Variants in PRKAG2 observed in about 807,000 individuals in gnomAD.
PRKAG2 encodes the protein 5'-AMP-activated protein kinase subunit gamma-2.
A neutral mutation model predicts 69.6 loss-of-function variants in PRKAG2; 26 were observed. The observed-to-expected ratio is 0.37, with a 90% CI of 0.27 to 0.52. The LOEUF is 0.52. Among genes scored for constraint, PRKAG2 ranks in the 20% least tolerant of loss-of-function variants. The pLI is 0.90. For missense variants in PRKAG2, 557 were observed against 740.0 expected, an observed-to-expected ratio of 0.75 and a Z score of 2.87; for synonymous variants, 293 against 285.0, an observed-to-expected ratio of 1.03 and a Z score of -0.28.
intron 5 of PRKAG2, among the ~76,000 whole-genome samples, chr7:151,624,078 C>T (rs1184988333): frequency 1.3e-5 from 2 of 151,972 alleles, no homozygotes; most frequent in East Asian, 3.9e-4. Flanking sequence ...TCAGAAACCT[C>T]ATTGATGTTA....
chr7:151,631,430 T>C (rs1320443094), intron 5 of PRKAG2, among the ~76,000 whole-genome samples: 1 of 152,236 alleles, frequency 6.6e-6, no homozygotes, highest in Non-Finnish European at 1.5e-5. Context: ...CTCATGCCTT[T>C]CAAATGTTAA....
At chr7:151,732,857 C>G (rs1799187879) in intron 3 of PRKAG2, among the ~76,000 whole-genome samples, 1 of 152,116 alleles carries the variant, frequency 6.6e-6, no homozygotes, top group South Asian at 2.1e-4. Flanking sequence ...CACCCCCGGC[C>G]AATTTTTGCA....
At chr7:151,686,742 C>T (rs547801235) in intron 3 of PRKAG2, among the ~76,000 whole-genome samples, 1 of 152,318 alleles carries the variant, frequency 6.6e-6, no homozygotes, top group Non-Finnish European at 1.5e-5. Flanking sequence ...ATGGCCCTGG[C>T]CCTAGCTGAG....
At chr7:151,674,509 C>G (rs1585672150) in intron 4 of PRKAG2, among the ~76,000 whole-genome samples, 1 of 152,172 alleles carries the variant, frequency 6.6e-6, no homozygotes, top group East Asian at 1.9e-4. Context: ...TACTGGGTAC[C>G]TGCGGTAATT....
intron 4 of PRKAG2, among the ~76,000 whole-genome samples, chr7:151,653,703 A>G (rs1828919536): frequency 6.6e-6 from 1 of 152,142 alleles, no homozygotes. Context: ...TTAGCCAAGC[A>G]TGGTGACGGA....
rs140899154 is a variant in PRKAG2 at position 151,847,456 on chromosome 7, G to A, written c.114+29051C>T. On this transcript the variant is annotated intron_variant, in intron 1 of 15. Transcript: ENST00000287878. ...CCACATCCTCACGGACGCTGGCCTTGAGCTCTTGTCCCCGAGCCTCTCTCT... is the reference window on the plus strand; with the variant it reads ...CCACATCCTCACGGACGCTGGCCTTAAGCTCTTGTCCCCGAGCCTCTCTCT... 2.0e-3 allele frequency among the ~76,000 whole-genome samples: 304 copies of A among 152,170 alleles called. 1 individual carries two copies. Among genetic ancestry groups the A allele is most frequent in the African/African-American group, 7.0e-3 (292 of 41,516 alleles).
intron 4 of PRKAG2, among the ~76,000 whole-genome samples, chr7:151,635,166 G>C (rs7807886): frequency 0.13 from 19,212 of 152,044 alleles, 1,405 homozygotes; most frequent in African/African-American, 0.17. Flanking sequence ...GGTCAGGCTG[G>C]TCTTGAACTC....
rs80194395 is a variant in PRKAG2, at chr7:151,670,322, C to T, written c.684+5098G>A. 5.1e-3 allele frequency among the ~76,000 whole-genome samples: 780 copies of T among 152,300 alleles called. 7 individuals are homozygous for T. The highest frequency in any genetic ancestry group is 0.018 in the African/African-American group (749 of 41,558). ...TCCTTCCCCTTCAATTAATCAACCA[C>T]TACCTTCCAAATTCCTTTCAATTTT... On this transcript the variant is annotated intron_variant, in intron 4 of 15. Coordinates refer to ENST00000287878, the MANE Select transcript of PRKAG2 (RefSeq NM_016203.4).
At position 151,732,677 on chromosome 7, in the gene PRKAG2, T is replaced by TCACAGAAAAGGCA. The variant is rs1365210498; in HGVS notation, c.466+48462_466+48474dup. On this transcript the variant is annotated intron_variant, in intron 3 of 15. Transcript: ENST00000287878. The stretch of plus-strand genomic sequence containing the variant: ...TCGCCCCTGTTCACAAGCAGCCAGA[T>TCACAGAAAAGGCA]CACAGAAAAGGCACCCAGAGTGGTT... Among the ~76,000 whole-genome samples, 6 of 152,040 alleles carry TCACAGAAAAGGCA rather than the reference T, an allele frequency of 3.9e-5. 1 individual carries two copies. Among genetic ancestry groups the TCACAGAAAAGGCA allele is most frequent in the African/African-American group, 1.4e-4 (6 of 41,384 alleles).
At chr7:151,672,842 A>G (rs1832286444) in intron 4 of PRKAG2, among the ~76,000 whole-genome samples, 1 of 152,136 alleles carries the variant, frequency 6.6e-6, no homozygotes, top group South Asian at 2.1e-4. Flanking sequence ...TGCTGGGCAC[A>G]GGGCACGTGC....
rs535091788 is a variant in PRKAG2, at chr7:151,707,194, G to A, written c.467-31557C>T. 2.0e-4 allele frequency among the ~76,000 whole-genome samples: 30 copies of A among 152,172 alleles called. 1 individual carries two copies. Among genetic ancestry groups the A allele is most frequent in the Admixed American group, 3.9e-4 (6 of 15,282 alleles). The stretch of plus-strand genomic sequence containing the variant: ...GAAACCCAGTCCTCCTCCCTCCGAC[G>A]CTGCCCAAACTTGAGCTGCCGTTGT... On this transcript the variant is annotated intron_variant, in intron 3 of 15. Transcript: ENST00000287878.
rs1453500818 is a variant in PRKAG2 at position 151,567,902 on chromosome 7, C to T, written c.1233+814G>A. On this transcript the variant is annotated intron_variant, in intron 11 of 15. Transcript: ENST00000287878. This position sits in a 1 kb window ranked among gnomAD's most constrained non-coding sequence, Gnocchi z 4.2. ...GCTATGTTAGGTCCTTAGGTGAAGCCATGGGGAGGAAAATGGGAAAGCTAA... is the reference window on the plus strand; with the variant it reads ...GCTATGTTAGGTCCTTAGGTGAAGCTATGGGGAGGAAAATGGGAAAGCTAA... Among the ~76,000 whole-genome samples, 2 of 152,150 alleles carry T rather than the reference C, an allele frequency of 1.3e-5. No individual in the cohort carries two copies. Among genetic ancestry groups the T allele is most frequent in the Non-Finnish European group, 2.9e-5 (2 of 68,030 alleles).
chr7:151,673,475 G>A (rs369977665), intron 4 of PRKAG2, among the ~76,000 whole-genome samples: 19 of 152,040 alleles, frequency 1.2e-4, no homozygotes, highest in African/African-American at 4.3e-4. Context: ...CGGCGAAACC[G>A]CTCTCCCCCT....
Position 151,749,222 on chromosome 7 carries a change from C to A in PRKAG2, c.466+31930G>T, listed in dbSNP as rs920675244. On this transcript the variant is annotated intron_variant, in intron 3 of 15. Coordinates refer to ENST00000287878, the MANE Select transcript of PRKAG2 (RefSeq NM_016203.4). The stretch of plus-strand genomic sequence containing the variant: ...ATCTTTTCTCTCTCCTCACTAGAAG[C>A]TTTAAAGGGATAGTTAGACCCTGAG... Among the ~76,000 whole-genome samples the A allele has an allele frequency of 5.8e-4, 88 of 152,218 alleles. 4 individuals are homozygous for A.
In PRKAG2 at chr7:151,657,152, G is replaced by T. The variant is rs906856167; in HGVS notation, c.684+18268C>A. Reference sequence around the variant, plus strand: ...ACTCCATCTCAAAAAAAAAAAGGGGGGGTGGTTATTCATCAGCTGTTAACT... The same window carrying T: ...ACTCCATCTCAAAAAAAAAAAGGGGTGGTGGTTATTCATCAGCTGTTAACT... On this transcript the variant is annotated intron_variant, in intron 4 of 15. Transcript: ENST00000287878. Among the ~76,000 whole-genome samples the T allele has an allele frequency of 2.9e-3, 437 of 152,024 alleles. 1 individual carries two copies. The highest frequency in any genetic ancestry group is 9.9e-3 in the African/African-American group (412 of 41,472).
At chr7:151,727,849 G>C (rs1798252711) in intron 3 of PRKAG2, among the ~76,000 whole-genome samples, 1 of 152,164 alleles carries the variant, frequency 6.6e-6, no homozygotes, top group Non-Finnish European at 1.5e-5. Flanking sequence ...ATCTCTTCCA[G>C]CCAAAAGTGG....
rs112074309 is a variant in PRKAG2, at chr7:151,656,723, G to A, written c.684+18697C>T. ...GCATGTGTAAATAAATAAAAAATGTGTTTTCTCTTTTGATGTTGTTGTTTC... is the reference window on the plus strand; with the variant it reads ...GCATGTGTAAATAAATAAAAAATGTATTTTCTCTTTTGATGTTGTTGTTTC... On this transcript the variant is annotated intron_variant, in intron 4 of 15. Transcript: ENST00000287878. Among the ~76,000 whole-genome samples the A allele has an allele frequency of 6.2e-4, 95 of 152,286 alleles. 1 individual carries two copies. The highest frequency in any genetic ancestry group is 2.1e-3 in the African/African-American group (87 of 41,574).
Position 151,713,122 on chromosome 7 carries a change from C to T in PRKAG2, c.467-37485G>A, listed in dbSNP as rs142398967. ...GCACTGTCAAATCGAGGCAGAGGGA[C>T]GGGAAATGGTGAACAGAGAAGGAAG... is the stretch of plus-strand genomic sequence containing the variant. On this transcript the variant is annotated intron_variant, in intron 3 of 15. Transcript: ENST00000287878. Among the ~76,000 whole-genome samples the T allele has an allele frequency of 1.4e-3, 219 of 152,142 alleles. 3 individuals carry two copies. The highest frequency in any genetic ancestry group is 7.7e-4 in the East Asian group (4 of 5,178).
rs181100483 is a variant in PRKAG2 at position 151,844,250 on chromosome 7, C to G, written c.114+32257G>C. ...CAGACCACAGGCAGGCCAGTGCTCC[C>G]TCTGGGCCTCAGTGTACTCTTCTGT... On this transcript the variant is annotated intron_variant, in intron 1 of 15. Transcript: ENST00000287878. Among the ~76,000 whole-genome samples the G allele has an allele frequency of 3.2e-3, 494 of 152,280 alleles. 2 individuals are homozygous for G. The highest frequency in any genetic ancestry group is 0.011 in the African/African-American group (474 of 41,538).
Sources: gnomAD v4.1 joint callset for allele counts (sites outside exome capture counted in the v4.1 genomes callset) on GRCh38, gnomAD v4.1.1 for gene constraint, Gnocchi (gnomAD v3.1) non-coding constraint, MANE v1.5 for transcripts, NCBI Gene and HGNC (gene_info 2026-07-23, HGNC 2026-07-21) for gene names.